Variants in TTC17 observed in about 807,000 individuals in gnomAD.
TTC17 encodes tetratricopeptide repeat protein 17.
Under a neutral mutation model 143.8 loss-of-function variants are expected in TTC17, and 58 were observed. The ratio of observed to expected loss-of-function variants is 0.40; its 90% confidence interval spans 0.33 to 0.50. TTC17 has a LOEUF of 0.50. Ranked by LOEUF, TTC17 falls within the 20% of genes least tolerant of loss-of-function variation. The pLI, the probability that TTC17 is intolerant of heterozygous loss-of-function variation, is 0.49. For synonymous variants in TTC17, 501 were observed against 497.8 expected, an observed-to-expected ratio of 1.01 and a Z score of -0.09; for missense variants, 1,273 against 1,392.5, an observed-to-expected ratio of 0.91 and a Z score of 1.37.
chr11:43,453,990 A>G (rs1751112902), intron 21 of TTC17, among the ~76,000 whole-genome samples: 2 of 152,164 alleles, frequency 1.3e-5, no homozygotes, highest in South Asian at 4.1e-4. Flanking sequence ...AGCTCGCAAG[A>G]GTGTTGTACT....
At chr11:43,384,938 A>G (rs529438522) in intron 2 of TTC17, among the ~76,000 whole-genome samples, 2 of 152,348 alleles carry the variant, frequency 1.3e-5, no homozygotes, top group African/African-American at 2.4e-5. Flanking sequence ...CAGGCAAAAT[A>G]AGAGCCTAAA....
intron 1 of TTC17, among the ~76,000 whole-genome samples, chr11:43,374,716 C>T (rs994805078): frequency 4.0e-5 from 6 of 150,170 alleles, no homozygotes; most frequent in Non-Finnish European, 5.9e-5. Flanking sequence ...GATACTACCT[C>T]GCACCAGTCA....
intron 16 of TTC17, among the ~76,000 whole-genome samples, chr11:43,430,714 C>CACAA (rs1368249183): frequency 8.3e-6 from 1 of 120,782 alleles, no homozygotes; most frequent in Non-Finnish European, 1.8e-5. Flanking sequence ...TACACGCACA[C>CACAA]ACACACACAC....
rs558614160 is a variant in TTC17 at position 43,457,018 on chromosome 11, A to G, written c.3030+5753A>G. On this transcript the variant is annotated intron_variant, in intron 21 of 23. Coordinates refer to ENST00000039989, the MANE Select transcript of TTC17 (RefSeq NM_018259.6). Reference sequence around the variant, plus strand: ...CCCTCAGGACTTTCATCTTAATACTACTTGGATGGGAGACTGAAGTGAGCT... The same window carrying G: ...CCCTCAGGACTTTCATCTTAATACTGCTTGGATGGGAGACTGAAGTGAGCT... Among the ~76,000 whole-genome samples, 3 of 152,146 alleles carry G rather than the reference A, an allele frequency of 2.0e-5. No individual in the cohort carries two copies. The East Asian group carries it at 5.8e-4, about 30-fold the overall frequency.
intron 16 of TTC17, among the ~76,000 whole-genome samples, chr11:43,437,904 A>G (rs915254584): frequency 1.3e-5 from 2 of 152,252 alleles, no homozygotes; most frequent in African/African-American, 4.8e-5. Flanking sequence ...AGCTAAAAAA[A>G]GGAAGAACGC....
chr11:43,477,909 C>G (rs1252959565), intron 21 of TTC17, among the ~76,000 whole-genome samples: 2 of 152,038 alleles, frequency 1.3e-5, no homozygotes, highest in East Asian at 1.9e-4. Flanking sequence ...CAGTATATTA[C>G]AGTTTTGTAG....
chr11:43,383,888 C>T (rs1456114572), intron 2 of TTC17, among the ~76,000 whole-genome samples: 1 of 151,972 alleles, frequency 6.6e-6, no homozygotes, highest in South Asian at 2.1e-4. Context: ...ACATGCAGGC[C>T]AGGTGTGGTG....
At chr11:43,487,405 CA>C (rs1343758407) in intron 21 of TTC17, among the ~76,000 whole-genome samples, 2 of 152,140 alleles carry the variant, frequency 1.3e-5, no homozygotes, top group Non-Finnish European at 2.9e-5. Flanking sequence ...TTTGGCCTCC[CA>C]AAGTGGTGAG....
At chr11:43,368,262 G>C (rs746190654) in intron 1 of TTC17, among the ~76,000 whole-genome samples, 16 of 152,050 alleles carry the variant, frequency 1.1e-4, no homozygotes, top group Non-Finnish European at 2.1e-4. Flanking sequence ...ATATTCTAAA[G>C]ACTCTCAAAT....
At chr11:43,403,573 T>C (rs1213293029) in intron 10 of TTC17, among the ~76,000 whole-genome samples, 2 of 152,178 alleles carry the variant, frequency 1.3e-5, no homozygotes, top group Admixed American at 1.3e-4. Context: ...GTGATAGTTA[T>C]AGAACCCTTA....
intron 16 of TTC17, among the ~76,000 whole-genome samples, chr11:43,426,333 C>A (rs1347558736): frequency 6.6e-6 from 1 of 152,198 alleles, no homozygotes; most frequent in African/African-American, 2.4e-5. Flanking sequence ...AGGTGACTTT[C>A]ATTTGGTGGC....
chr11:43,482,912 C>T (rs1345993691), intron 21 of TTC17, among the ~76,000 whole-genome samples: 2 of 151,484 alleles, frequency 1.3e-5, no homozygotes, highest in African/African-American at 4.8e-5. Context: ...ATGAACAATC[C>T]AAAAGTTGTT....
At chr11:43,387,219 T>C (rs973208457) in intron 2 of TTC17, among the ~76,000 whole-genome samples, 22 of 152,258 alleles carry the variant, frequency 1.4e-4, no homozygotes, top group African/African-American at 5.1e-4. Context: ...TTGGTTGATA[T>C]AGTCCATATT....
chr11:43,376,551 A>T (rs762120208), intron 1 of TTC17, among the ~76,000 whole-genome samples: 1 of 152,152 alleles, frequency 6.6e-6, no homozygotes, highest in Non-Finnish European at 1.5e-5. Flanking sequence ...TTGTGTGTTC[A>T]TTATGTCCTT....
chr11:43,486,187 C>T (rs1471875128), intron 21 of TTC17, among the ~76,000 whole-genome samples: 2 of 152,060 alleles, frequency 1.3e-5, no homozygotes, highest in Non-Finnish European at 2.9e-5. Context: ...TCATTTTCCA[C>T]GGTTTCAGTT....
At chr11:43,367,437 A>G (rs996367078) in intron 1 of TTC17, among the ~76,000 whole-genome samples, 1 of 152,198 alleles carries the variant, frequency 6.6e-6, no homozygotes, top group Non-Finnish European at 1.5e-5. Context: ...ATAATCAGAA[A>G]AAACAGAGGC....
In TTC17 at chr11:43,399,995, A is replaced by G; in HGVS notation, c.1166A>G (p.Gln389Arg). Residue 389 changes from glutamine (Q) to arginine (R), a missense_variant, in exon 9 of 24, where the codon CAA becomes CGA. Physicochemically the swap from Gln to Arg is conservative, Grantham distance 43. Transcript: ENST00000039989. ...LEKHKLIQEE[Q>R]ILRNIIHETQ... ...AAACATAAACTGATTCAGGAGGAGC[A>G]AATCTTAAGAAATATCATTCATGAG... is the stretch of plus-strand genomic sequence containing the variant. 1 of 1,614,082 alleles carries G rather than the reference A, an allele frequency of 6.2e-7. No homozygotes were observed. Among genetic ancestry groups the G allele is most frequent in the Non-Finnish European group, 8.5e-7 (1 of 1,179,964 alleles).
intron 16 of TTC17, among the ~76,000 whole-genome samples, chr11:43,422,159 C>T (rs1255048758): frequency 1.3e-5 from 2 of 152,022 alleles, no homozygotes; most frequent in African/African-American, 2.4e-5. Flanking sequence ...AAAAGACACT[C>T]CTAGAAAGGG....
At chr11:43,491,129 TTACTAGCTTTGTG>T (rs1173341648) in intron 22 of TTC17, 1 of 152,208 alleles carries the variant, frequency 6.6e-6, no homozygotes, top group Non-Finnish European at 1.5e-5. Context: ...GCTCTACCTC[TTACTAGCTTTGTG>T]AATTTGGGCA....
Sources: gnomAD v4.1 joint callset for allele counts (sites outside exome capture counted in the v4.1 genomes callset) on GRCh38, gnomAD v4.1.1 for gene constraint, MANE v1.5 for transcripts, NCBI Gene and HGNC (gene_info 2026-07-23, HGNC 2026-07-21) for gene names.